WSCD2: variants seen among roughly 807,000 people sequenced by gnomAD.
WSCD2 encodes the protein WSC domain sialate O sulfotransferase 2, also known as sialate:O-sulfotransferase 2.
A neutral mutation model predicts 55.7 loss-of-function variants in WSCD2; 28 were observed. The observed-to-expected ratio is 0.50, with a 90% CI of 0.37 to 0.69. The LOEUF is 0.69. Ranked by LOEUF, WSCD2 falls within the 30% of genes least tolerant of loss-of-function variation. WSCD2 has a pLI of 0.00. For missense variants in WSCD2, 616 were observed against 762.1 expected (o/e 0.81, Z 2.26); for synonymous variants, 301 against 301.9 (o/e 1.00, Z 0.03).
intron 1 of WSCD2, among the ~76,000 whole-genome samples, chr12:108,140,996 A>G (rs1876743482): frequency 6.6e-6 from 1 of 152,224 alleles, no homozygotes; most frequent in Admixed American, 6.5e-5. Context: ...AACAATGTCC[A>G]TAAAGGTAGT....
intron 6 of WSCD2, among the ~76,000 whole-genome samples, chr12:108,228,658 TG>T (rs1565986740): frequency 6.6e-6 from 1 of 152,238 alleles, no homozygotes; most frequent in Non-Finnish European, 1.5e-5. Context: ...GTGCCCTGGA[TG>T]GCAGAACATC....
At chr12:108,212,309 A>G (rs1478004747) in intron 4 of WSCD2, among the ~76,000 whole-genome samples, 1 of 152,188 alleles carries the variant, frequency 6.6e-6, no homozygotes, top group Non-Finnish European at 1.5e-5. Context: ...TGAAGAGATG[A>G]CCTGAAAGTC....
chr12:108,230,202 A>G (rs1888594672), intron 6 of WSCD2, among the ~76,000 whole-genome samples: 1 of 152,242 alleles, frequency 6.6e-6, no homozygotes, highest in Non-Finnish European at 1.5e-5. Flanking sequence ...AATATAAAAC[A>G]TAACCATATT....
intron 1 of WSCD2, among the ~76,000 whole-genome samples, chr12:108,194,291 G>T (rs1883598649): frequency 6.6e-6 from 1 of 152,144 alleles, no homozygotes; most frequent in Non-Finnish European, 1.5e-5. Context: ...TTGTTTCTCA[G>T]ACCCACACCC....
chr12:108,177,965 C>G (rs1477411418), intron 1 of WSCD2, among the ~76,000 whole-genome samples: 1 of 151,620 alleles, frequency 6.6e-6, no homozygotes, highest in Non-Finnish European at 1.5e-5. Context: ...TACCATGCCA[C>G]ATATGAATTC....
intron 1 of WSCD2, among the ~76,000 whole-genome samples, chr12:108,192,972 G>GT (rs1883379080): frequency 6.6e-6 from 1 of 151,796 alleles, no homozygotes; most frequent in Non-Finnish European, 1.5e-5. Context: ...GTTGTCATGA[G>GT]ATCCTCAAAG....
At chr12:108,170,918 C>A (rs1230564044) in intron 1 of WSCD2, among the ~76,000 whole-genome samples, 1 of 152,138 alleles carries the variant, frequency 6.6e-6, no homozygotes. Context: ...TAGTTCTGAT[C>A]CACAGGGGTC....
At chr12:108,168,072 T>C (rs1879838396) in intron 1 of WSCD2, among the ~76,000 whole-genome samples, 1 of 152,250 alleles carries the variant, frequency 6.6e-6, no homozygotes, top group South Asian at 2.1e-4. Flanking sequence ...TCTCTCTCTT[T>C]CTGTCTCAAC....
intron 1 of WSCD2, among the ~76,000 whole-genome samples, chr12:108,152,024 T>A (rs1878055276): frequency 6.6e-6 from 1 of 152,202 alleles, no homozygotes; most frequent in African/African-American, 2.4e-5. Flanking sequence ...GCTGCTCTCC[T>A]GGATCCAGCT....
At chr12:108,187,540 A>G (rs899315402) in intron 1 of WSCD2, among the ~76,000 whole-genome samples, 12 of 152,168 alleles carry the variant, frequency 7.9e-5, no homozygotes, top group African/African-American at 2.9e-4. Context: ...TGCACAGATG[A>G]CTTAACTTCT....
At chr12:108,199,682 C>T (rs1884413435) in intron 2 of WSCD2, among the ~76,000 whole-genome samples, 1 of 152,208 alleles carries the variant, frequency 6.6e-6, no homozygotes, top group Non-Finnish European at 1.5e-5. Context: ...ACATCTATTA[C>T]ATCACATAAT....
Position 108,234,186 on chromosome 12 carries a change from G to A in WSCD2, c.1144+1291G>A, listed in dbSNP as rs1478902042. On this transcript the variant is annotated intron_variant, in intron 7 of 8. Coordinates refer to ENST00000547525, the MANE Select transcript of WSCD2 (RefSeq NM_014653.4). ...AAAAATCTAATAATGTTTTAAGAAA[G>A]CTTACGAATTTGTGTTGGGCCGCAT... Among the ~76,000 whole-genome samples, 5 of 152,310 alleles carry A rather than the reference G, an allele frequency of 3.3e-5. No homozygotes were observed. In the East Asian group the frequency reaches 9.6e-4, roughly 29 times the overall value.
At chr12:108,214,829 T>C (rs937036863) in intron 4 of WSCD2, among the ~76,000 whole-genome samples, 1 of 152,258 alleles carries the variant, frequency 6.6e-6, no homozygotes, top group African/African-American at 2.4e-5. Flanking sequence ...AAAAAATAGA[T>C]ACCTTGTTTA....
chr12:108,227,167 G>C lies in WSCD2; in HGVS notation c.979+3G>C. 6.2e-7 allele frequency: 1 copy of C among 1,611,168 alleles called. No individual in the cohort carries two copies. Among genetic ancestry groups the C allele is most frequent in the Non-Finnish European group, 8.5e-7 (1 of 1,178,536 alleles). ...TGTGTACCAGACACAAGTCCAAGGT[G>C]AGCTAGGCCCTTCCCCAGTGGACCC... is the stretch of plus-strand genomic sequence containing the variant. On this transcript the variant is annotated splice_donor_region_variant and intron_variant, in intron 6 of 8. Coordinates refer to ENST00000547525, the MANE Select transcript of WSCD2 (RefSeq NM_014653.4).
At chr12:108,212,314 A>T (rs1193875972) in intron 4 of WSCD2, among the ~76,000 whole-genome samples, 1 of 152,170 alleles carries the variant, frequency 6.6e-6, no homozygotes, top group Non-Finnish European at 1.5e-5. Context: ...AGATGACCTG[A>T]AAGTCAGGGA....
At chr12:108,170,483 G>T (rs1428953658) in intron 1 of WSCD2, among the ~76,000 whole-genome samples, 1 of 152,018 alleles carries the variant, frequency 6.6e-6, no homozygotes, top group East Asian at 1.9e-4. Context: ...AAAATCTATC[G>T]CCCAGTACTC....
At chr12:108,245,014 T>C (rs1889987059) in intron 8 of WSCD2, among the ~76,000 whole-genome samples, 1 of 152,234 alleles carries the variant, frequency 6.6e-6, no homozygotes, top group Admixed American at 6.5e-5. Context: ...TCCATATCTT[T>C]GCTATTATGA....
Position 108,139,363 on chromosome 12 carries a change from C to T in WSCD2, c.-552+9437C>T, listed in dbSNP as rs945760728. 2.0e-5 allele frequency among the ~76,000 whole-genome samples: 3 copies of T among 152,140 alleles called. No individual in the cohort carries two copies. The South Asian group carries it at 6.2e-4, about 32-fold the overall frequency. On this transcript the variant is annotated intron_variant, in intron 1 of 8. Coordinates refer to ENST00000547525, the MANE Select transcript of WSCD2 (RefSeq NM_014653.4). ...TTGTTTCCATTTTTATGGAAGACTC[C>T]CTCACCAGCCCTTGTGAACTGGGGA...
chr12:108,180,748 C>A (rs752514035), intron 1 of WSCD2, among the ~76,000 whole-genome samples: 1 of 152,260 alleles, frequency 6.6e-6, no homozygotes, highest in Admixed American at 6.5e-5. Context: ...AACTACCCAG[C>A]ACCCACTACA....
Sources: allele counts gnomAD v4.1 joint callset (sites outside exome capture counted in the v4.1 genomes callset), GRCh38; gene constraint gnomAD v4.1.1; transcripts MANE v1.5; gene names NCBI Gene and HGNC (gene_info 2026-07-23, HGNC 2026-07-21).